NAV3: variants seen among roughly 807,000 people sequenced by gnomAD.
NAV3 encodes the protein neuron navigator 3.
Under a neutral mutation model 244.7 loss-of-function variants are expected in NAV3, and 87 were observed. That is an observed-to-expected ratio of 0.36 (90% CI 0.30 to 0.42). NAV3 has a LOEUF of 0.42. Ranked by LOEUF, NAV3 falls within the 20% of genes least tolerant of loss-of-function variation. NAV3 has a pLI of 1.00. For synonymous variants in NAV3, 1,126 were observed against 1,042.2 expected (o/e 1.08, Z -1.55); for missense variants, 2,663 against 2,893.3 (o/e 0.92, Z 1.83).
upstream of NAV3, among the ~76,000 whole-genome samples, chr12:77,828,237 T>C (rs538937400): frequency 1.2e-4 from 18 of 152,286 alleles, no homozygotes; most frequent in South Asian, 3.1e-3. Flanking sequence ...GTCTCTCTTA[T>C]ATGAGTGCTC....
rs112557621 is a variant in NAV3 at position 77,935,675 on chromosome 12, A to G, written c.244-4644A>G. The stretch of plus-strand genomic sequence containing the variant: ...GGTATTAGTCTGTTTTCACACTGCT[A>G]TAAAGACATCCCTGAGACTGGGTAA... On this transcript the variant is annotated intron_variant, in intron 1 of 39. Transcript: ENST00000397909. 6.9e-3 allele frequency among the ~76,000 whole-genome samples: 1,057 copies of G among 152,316 alleles called. 11 individuals carry two copies. The highest frequency in any genetic ancestry group is 0.04 in the South Asian group (195 of 4,824).
Position 77,968,372 on chromosome 12 carries a change from A to G in NAV3, c.488-147A>G, listed in dbSNP as rs1055614652. ...AAATGTTAACATGTTTCAGAAATTC[A>G]GGTTTGTTTGTGATTCAACTGTGAC... is the stretch of plus-strand genomic sequence containing the variant. On this transcript the variant is annotated intron_variant, in intron 4 of 39. Coordinates refer to ENST00000397909, the MANE Select transcript of NAV3 (RefSeq NM_001024383.2). 4 of 644,716 alleles carry G rather than the reference A, an allele frequency of 6.2e-6. No homozygotes were observed. In the African/African-American group the frequency reaches 7.4e-5, roughly 12 times the overall value. The allele number at this position is 644,716 out of a possible 1,614,324, so 39.9% of individuals were successfully genotyped here.
In NAV3 at chr12:78,190,007, A is replaced by G; in HGVS notation, c.6079A>G (p.Ser2027Gly). 2.5e-6 allele frequency: 4 copies of G among 1,612,816 alleles called. No homozygotes were observed. Among genetic ancestry groups the G allele is most frequent in the Non-Finnish European group, 3.4e-6 (4 of 1,179,238 alleles). ...LKGVEENSLD[S>G]FVFDTLIPKP... Reference sequence around the variant, plus strand: ...AGGGGTAGAAGAAAATAGTTTGGACAGTTTTGTTTTTGATACGCTGATTCC... The same window carrying G: ...AGGGGTAGAAGAAAATAGTTTGGACGGTTTTGTTTTTGATACGCTGATTCC... Residue 2027 changes from serine (S) to glycine (G), a missense_variant, in exon 34 of 40, where the codon AGT (serine) becomes GGT (glycine). By Grantham distance (56) the Ser-to-Gly change is moderately conservative (BLOSUM62 0). This residue lies in a region of NAV3 where 543 missense variants were observed against 672.4 expected (regional missense o/e 0.81). Transcript: ENST00000397909.
intron 2 of NAV3, among the ~76,000 whole-genome samples, chr12:77,767,238 G>T (rs1869823752): frequency 6.6e-6 from 1 of 152,216 alleles, no homozygotes; most frequent in South Asian, 2.1e-4. Flanking sequence ...CTAAAGGATT[G>T]TTGGGAAAAT....
At chr12:78,025,370 G>C (rs751363424) in intron 9 of NAV3, among the ~76,000 whole-genome samples, 1 of 151,968 alleles carries the variant, frequency 6.6e-6, no homozygotes, top group Non-Finnish European at 1.5e-5. Flanking sequence ...GGCCGAGGGG[G>C]TCAGGTAATG....
intron 2 of NAV3, among the ~76,000 whole-genome samples, chr12:77,666,830 C>T (rs558047650): frequency 1.3e-5 from 2 of 152,014 alleles, no homozygotes; most frequent in African/African-American, 2.4e-5. Context: ...TGCTGCTTGT[C>T]GTGTTGGGTA....
chr12:77,800,423 C>T (rs192974441), intron 2 of NAV3, among the ~76,000 whole-genome samples: 83 of 152,178 alleles, frequency 5.5e-4, no homozygotes, highest in Middle Eastern at 3.4e-3. Context: ...TGGATCCTAG[C>T]GATTGTACAA....
intron 8 of NAV3, among the ~76,000 whole-genome samples, chr12:78,014,775 C>A (rs1472625032): frequency 6.6e-6 from 1 of 152,056 alleles, no homozygotes. Flanking sequence ...AAATGTGAAG[C>A]CTTTAACCAT....
intron 2 of NAV3, among the ~76,000 whole-genome samples, chr12:77,587,086 T>C (rs1869649824): frequency 6.6e-6 from 1 of 152,180 alleles, no homozygotes; most frequent in Non-Finnish European, 1.5e-5. Flanking sequence ...AAGAAGTATA[T>C]ACACAAGCAA....
chr12:77,959,789 A>G (rs1276138886), intron 3 of NAV3, among the ~76,000 whole-genome samples: 1 of 151,674 alleles, frequency 6.6e-6, no homozygotes, highest in Admixed American at 6.6e-5. Context: ...TAAAAGCTCA[A>G]AACTTGACTA....
At chr12:78,076,297 A>G (rs1054570610) in intron 12 of NAV3, among the ~76,000 whole-genome samples, 1 of 152,154 alleles carries the variant, frequency 6.6e-6, no homozygotes, top group Non-Finnish European at 1.5e-5. Context: ...TTATCCTCCA[A>G]GACTCACTTC....
chr12:78,200,601 T>A lies in NAV3; in HGVS notation c.6834+10T>A. 1.7e-5 allele frequency: 22 copies of A among 1,292,126 alleles called. No homozygotes were observed. Among genetic ancestry groups the A allele is most frequent in the East Asian group, 2.4e-5 (1 of 41,198 alleles). 80.0% of individuals were successfully genotyped at this position (1,292,126 alleles called of 1,614,324 possible). A position where few individuals can be genotyped will look rare whatever the true frequency, so the allele number is the denominator to read the frequency against. ...GAGAGAGGGTCTTCAGGTATAGTAC[T>A]CAATTTTCATTGCTATTTTTTTTTA... On this transcript the variant is annotated intron_variant, in intron 38 of 39. Coordinates refer to ENST00000397909, the MANE Select transcript of NAV3 (RefSeq NM_001024383.2).
At chr12:78,109,570 C>A (rs1319257531) in intron 12 of NAV3, among the ~76,000 whole-genome samples, 1 of 151,894 alleles carries the variant, frequency 6.6e-6, no homozygotes, top group Admixed American at 6.6e-5. Context: ...CAAACGGAAT[C>A]CAACAGCACA....
chr12:77,713,973 A>G (rs1216367329), intron 2 of NAV3, among the ~76,000 whole-genome samples: 3 of 152,168 alleles, frequency 2.0e-5, no homozygotes, highest in Admixed American at 6.5e-5. Context: ...ATTACTTTGT[A>G]TAATATTATT....
intron 2 of NAV3, among the ~76,000 whole-genome samples, chr12:77,692,097 G>A (rs1275585376): frequency 6.6e-6 from 1 of 151,898 alleles, no homozygotes; most frequent in African/African-American, 2.4e-5. Context: ...ACCAAGCTGG[G>A]AAGTTCCTAT....
intron 5 of NAV3, among the ~76,000 whole-genome samples, chr12:77,984,030 T>TATG (rs1326907628): frequency 6.6e-6 from 1 of 152,216 alleles, no homozygotes; most frequent in African/African-American, 2.4e-5. Context: ...TGTTGAGATT[T>TATG]ATGTTTTGAA....
intron 9 of NAV3, among the ~76,000 whole-genome samples, chr12:78,040,012 A>G (rs933654303): frequency 1.3e-5 from 2 of 152,106 alleles, no homozygotes; most frequent in East Asian, 1.9e-4. Flanking sequence ...TTTTCTGGTA[A>G]CTTGTATTGT....
intron 3 of NAV3, among the ~76,000 whole-genome samples, chr12:77,948,688 A>G (rs3953190): frequency 3.0e-5 from 4 of 134,158 alleles, no homozygotes; most frequent in Non-Finnish European, 6.4e-5. Context: ...TTGCCCCCCC[A>G]CCACTGCCAA....
intron 1 of NAV3, among the ~76,000 whole-genome samples, chr12:77,872,796 T>C (rs1037228424): frequency 6.6e-6 from 1 of 152,278 alleles, no homozygotes; most frequent in Non-Finnish European, 1.5e-5. Flanking sequence ...TGTTTATTTA[T>C]GTCATTTTTT....
Sources: gnomAD v4.1 joint callset for allele counts (sites outside exome capture counted in the v4.1 genomes callset) on GRCh38, gnomAD v4.1.1 for gene constraint, gnomAD v4.1.1 regional missense constraint, MANE v1.5 for transcripts, NCBI Gene and HGNC (gene_info 2026-07-23, HGNC 2026-07-21) for gene names.